TRAPPC9: variants seen among roughly 807,000 people sequenced by gnomAD.
The protein encoded by TRAPPC9 is IKK2 binding protein.
A neutral mutation model predicts 124.0 loss-of-function variants in TRAPPC9; 83 were observed. That is an observed-to-expected ratio of 0.67 (90% CI 0.56 to 0.80). The LOEUF is 0.80. Ranked by LOEUF, TRAPPC9 falls within the 30% of genes least tolerant of loss-of-function variation. The pLI, the probability that TRAPPC9 is intolerant of heterozygous loss-of-function variation, is 0.00. For missense variants in TRAPPC9, 1,302 were observed against 1,508.3 expected, an observed-to-expected ratio of 0.86 and a Z score of 2.27; for synonymous variants, 638 against 617.5, an observed-to-expected ratio of 1.03 and a Z score of -0.49.
chr8:140,326,467 G>A (rs1478318878), intron 9 of TRAPPC9, among the ~76,000 whole-genome samples: 1 of 152,140 alleles, frequency 6.6e-6, no homozygotes, highest in Non-Finnish European at 1.5e-5. Context: ...GACCCGCTTT[G>A]CCTGCCACCA....
In TRAPPC9 at chr8:139,750,608, A is replaced by C. The variant is rs1408771058; in HGVS notation, c.3056-18406T>G. Among the ~76,000 whole-genome samples the C allele has an allele frequency of 5.3e-5, 8 of 152,244 alleles. No individual in the cohort carries two copies. In the East Asian group the frequency reaches 1.2e-3, roughly 22 times the overall value. On this transcript the variant is annotated intron_variant, in intron 21 of 22. Transcript: ENST00000438773. ...GAAGAGAGGACTTGCTGGGACCCCC[A>C]AAGCTGGCTTGTGGCCCCTGCTCCT...
intron 19 of TRAPPC9, among the ~76,000 whole-genome samples, chr8:139,917,205 G>A (rs1404749048): frequency 2.4e-5 from 3 of 124,024 alleles, no homozygotes; most frequent in African/African-American, 9.6e-5. Flanking sequence ...ACGGAGTCTC[G>A]CTCTGTTGCC....
intron 17 of TRAPPC9, among the ~76,000 whole-genome samples, chr8:140,177,783 T>C (rs2062103130): frequency 6.6e-6 from 1 of 152,154 alleles, no homozygotes; most frequent in Non-Finnish European, 1.5e-5. Context: ...AGACAATCTT[T>C]TATAATTGTC....
rs112247918 is a variant in TRAPPC9 at position 140,011,975 on chromosome 8, A to C, written c.2699+11962T>G. On this transcript the variant is annotated intron_variant, in intron 18 of 22. Coordinates refer to ENST00000438773, the MANE Select transcript of TRAPPC9 (RefSeq NM_001160372.4). ...TTACAGGCATGAGCCACTGCGCCAG[A>C]CAATTTTTGCATTTTTAGTAGAGAT... Among the ~76,000 whole-genome samples, 171 of 152,006 alleles carry C rather than the reference A, an allele frequency of 1.1e-3. 3 individuals carry two copies. The highest frequency in any genetic ancestry group is 3.5e-3 in the African/African-American group (147 of 41,492).
At chr8:140,069,668 C>G (rs1037014527) in intron 17 of TRAPPC9, among the ~76,000 whole-genome samples, 1 of 152,106 alleles carries the variant, frequency 6.6e-6, no homozygotes, top group African/African-American at 2.4e-5. Context: ...GCAGGGTTCT[C>G]TAGAGGACCA....
At chr8:139,888,996 C>T (rs764396500) in intron 20 of TRAPPC9, among the ~76,000 whole-genome samples, 1 of 152,166 alleles carries the variant, frequency 6.6e-6, no homozygotes, top group Non-Finnish European at 1.5e-5. Flanking sequence ...ATTTGCAAAC[C>T]CACGTTCACT....
chr8:140,119,445 A>T (rs768852177), intron 17 of TRAPPC9, among the ~76,000 whole-genome samples: 6 of 151,930 alleles, frequency 3.9e-5, no homozygotes, highest in Non-Finnish European at 5.9e-5. Context: ...TCCTCACTCC[A>T]CGCCTCACCC....
intron 3 of TRAPPC9, among the ~76,000 whole-genome samples, chr8:140,437,325 G>C (rs1260320535): frequency 1.3e-5 from 2 of 151,390 alleles, no homozygotes; most frequent in East Asian, 3.9e-4. Context: ...CTGGCCGTTT[G>C]AAGTATTTCT....
chr8:140,410,013 G>T (rs774800697), intron 5 of TRAPPC9, among the ~76,000 whole-genome samples: 2 of 151,858 alleles, frequency 1.3e-5, no homozygotes, highest in South Asian at 4.2e-4. Context: ...GGTGGCACAC[G>T]CCTGTGATTC....
intron 21 of TRAPPC9, among the ~76,000 whole-genome samples, chr8:139,861,804 C>T (rs556733347): frequency 2.0e-5 from 3 of 152,200 alleles, no homozygotes; most frequent in African/African-American, 7.2e-5. Context: ...GCACTGTCTC[C>T]CCTGCCTGCC....
At chr8:139,955,484 T>C (rs762481306) in intron 19 of TRAPPC9, among the ~76,000 whole-genome samples, 14 of 151,544 alleles carry the variant, frequency 9.2e-5, no homozygotes, top group Non-Finnish European at 2.1e-4. Flanking sequence ...AAATACAACA[T>C]TAAACAGCTC....
intron 17 of TRAPPC9, among the ~76,000 whole-genome samples, chr8:140,093,571 G>C (rs924972131): frequency 6.6e-6 from 1 of 152,052 alleles, no homozygotes. Context: ...AGGAGGCTGA[G>C]GCAGTAGAAT....
At chr8:140,142,435 A>G (rs963911123) in intron 17 of TRAPPC9, among the ~76,000 whole-genome samples, 1 of 152,270 alleles carries the variant, frequency 6.6e-6, no homozygotes, top group African/African-American at 2.4e-5. Context: ...GCACCGCAGC[A>G]GCCCCGGTGT....
chr8:140,162,970 C>A (rs2061775976), intron 17 of TRAPPC9, among the ~76,000 whole-genome samples: 1 of 151,952 alleles, frequency 6.6e-6, no homozygotes, highest in East Asian at 1.9e-4. Context: ...CCAGTCTGGG[C>A]AACAGAGCAA....
At chr8:140,139,686 T>A (rs1357982255) in intron 17 of TRAPPC9, among the ~76,000 whole-genome samples, 1 of 151,968 alleles carries the variant, frequency 6.6e-6, no homozygotes, top group Non-Finnish European at 1.5e-5. Flanking sequence ...ACAAAGCCAT[T>A]TATGTGAAGT....
chr8:139,791,047 C>T (rs555915321), intron 21 of TRAPPC9, among the ~76,000 whole-genome samples: 43 of 152,260 alleles, frequency 2.8e-4, no homozygotes, highest in Non-Finnish European at 4.9e-4. Context: ...TGCAGAACCA[C>T]GAGCCAATTC....
chr8:140,314,950 T>C (rs2066404074), intron 9 of TRAPPC9, among the ~76,000 whole-genome samples: 1 of 152,274 alleles, frequency 6.6e-6, no homozygotes, highest in African/African-American at 2.4e-5. Flanking sequence ...TTTGGATATA[T>C]GCTCAGTAGC....
intron 4 of TRAPPC9, among the ~76,000 whole-genome samples, chr8:140,427,428 A>G (rs899319559): frequency 1.3e-5 from 2 of 151,954 alleles, no homozygotes; most frequent in African/African-American, 4.8e-5. Context: ...ATAATTGGAC[A>G]CTTCATCAAG....
At chr8:139,773,415 C>A (rs1821121205) in intron 21 of TRAPPC9, among the ~76,000 whole-genome samples, 1 of 152,232 alleles carries the variant, frequency 6.6e-6, no homozygotes, top group Non-Finnish European at 1.5e-5. Flanking sequence ...GCAGGCAGTG[C>A]AGCAGACGGC....
Sources: gnomAD v4.1 joint callset for allele counts (sites outside exome capture counted in the v4.1 genomes callset) on GRCh38, gnomAD v4.1.1 for gene constraint, MANE v1.5 for transcripts, NCBI Gene and HGNC (gene_info 2026-07-23, HGNC 2026-07-21) for gene names.